The following SV2B variants were observed in gnomAD, a reference collection of about 807,000 sequenced individuals.
The protein encoded by SV2B is synaptic vesicle glycoprotein 2B.
In SV2B, 41 loss-of-function variants were observed where a neutral mutation model predicts 73.9. The ratio of observed to expected loss-of-function variants is 0.56; its 90% CI spans 0.43 to 0.72. SV2B has a LOEUF of 0.72. SV2B is among the 30% of genes least tolerant of loss of function. The pLI, the probability that SV2B is intolerant of heterozygous loss-of-function variation, is 0.00. For missense variants in SV2B, 764 were observed against 857.8 expected, an observed-to-expected ratio of 0.89 and a Z score of 1.37; for synonymous variants, 314 against 314.2, an observed-to-expected ratio of 1.00 and a Z score of 0.01.
At chr15:91,263,632 A>G (rs2048002978) in intron 6 of SV2B, among the ~76,000 whole-genome samples, 1 of 151,984 alleles carries the variant, frequency 6.6e-6, no homozygotes, top group Non-Finnish European at 1.5e-5. Flanking sequence ...AAACACACAG[A>G]CGCACATTAA....
Position 91,231,995 on chromosome 15 carries a change from C to T in SV2B, c.451+5281C>T, listed in dbSNP as rs561961555. 5.9e-5 allele frequency among the ~76,000 whole-genome samples: 9 copies of T among 152,212 alleles called. No individual in the cohort carries two copies. The highest frequency in any genetic ancestry group is 2.1e-4 in the South Asian group (1 of 4,822). Reference sequence around the variant, plus strand: ...AGAGATAGATATATTACTCTGCTGTCGTGAAAGATTATCTTGTGATTGTTT... The same window carrying T: ...AGAGATAGATATATTACTCTGCTGTTGTGAAAGATTATCTTGTGATTGTTT... On this transcript the variant is annotated intron_variant, in intron 2 of 12. Coordinates refer to ENST00000394232, the MANE Select transcript of SV2B (RefSeq NM_001323032.3). The surrounding 1 kb of genome is among the most constrained non-coding windows in gnomAD (Gnocchi z 4.5).
chr15:91,190,623 A>G (rs1238425512), intron 1 of SV2B, among the ~76,000 whole-genome samples: 1 of 152,148 alleles, frequency 6.6e-6, no homozygotes, highest in Non-Finnish European at 1.5e-5. Flanking sequence ...AATATTTCTT[A>G]GTTTTCAGAC....
At chr15:91,218,780 A>G (rs1023106539) in intron 1 of SV2B, among the ~76,000 whole-genome samples, 16 of 152,088 alleles carry the variant, frequency 1.1e-4, no homozygotes, top group African/African-American at 3.4e-4. Context: ...ACTGACTGCA[A>G]GTGAAGTCAC....
At chr15:91,203,756 G>A in intron 1 of SV2B, among the ~76,000 whole-genome samples, 1 of 152,146 alleles carries the variant, frequency 6.6e-6, no homozygotes, top group Non-Finnish European at 1.5e-5. Flanking sequence ...GGGGACTTTT[G>A]TCAAGTTCCT....
chr15:91,178,088 A>G (rs2044392731), intron 1 of SV2B, among the ~76,000 whole-genome samples: 2 of 151,818 alleles, frequency 1.3e-5, no homozygotes, highest in African/African-American at 4.8e-5. Flanking sequence ...ATTTATTGAG[A>G]GTTTTTAGCA....
At chr15:91,133,716 C>G (rs927618398) in intron 1 of SV2B, among the ~76,000 whole-genome samples, 12 of 152,168 alleles carry the variant, frequency 7.9e-5, no homozygotes, top group Non-Finnish European at 1.6e-4. Context: ...AGCAGGGTCA[C>G]TGGACACAGC....
chr15:91,225,684 C>G (rs1190658231), intron 1 of SV2B, among the ~76,000 whole-genome samples, 189 bp from the exon 2 acceptor site: 1 of 152,186 alleles, frequency 6.6e-6, no homozygotes, highest in African/African-American at 2.4e-5. Flanking sequence ...ACGGTTCCTT[C>G]TCCTTTAGCC....
At chr15:91,117,743 C>T (rs913409787) in intron 1 of SV2B, among the ~76,000 whole-genome samples, 12 of 152,112 alleles carry the variant, frequency 7.9e-5, no homozygotes, top group African/African-American at 1.9e-4. Context: ...CAGTAAAGTG[C>T]GAAAGTATAC....
rs1178906124 is a variant in SV2B at position 91,295,587 on chromosome 15, G to A, written c.*3035G>A. The A allele has an allele frequency of 6.6e-6, 1 of 152,194 alleles. No individual in the cohort carries two copies. The highest frequency in any genetic ancestry group is 1.5e-5 in the Non-Finnish European group (1 of 68,052). The allele number at this position is 152,194 out of a possible 1,614,324, so 9.4% of individuals were successfully genotyped here. On this transcript the variant is annotated 3_prime_UTR_variant, in exon 13 of 13. Transcript: ENST00000394232. ...TGGCCCAGATTACATGTAATGTGAGGAGTGGGCGAGAAGGCCTAAGGTGAT... is the reference window on the plus strand; with the variant it reads ...TGGCCCAGATTACATGTAATGTGAGAAGTGGGCGAGAAGGCCTAAGGTGAT...
chr15:91,154,549 A>T (rs1596486377), intron 1 of SV2B, among the ~76,000 whole-genome samples: 1 of 152,178 alleles, frequency 6.6e-6, no homozygotes, highest in African/African-American at 2.4e-5. Context: ...CTGCTGTGGG[A>T]TGAATATGAC....
chr15:91,272,697 G>A (rs2048353341), intron 9 of SV2B, among the ~76,000 whole-genome samples: 2 of 152,032 alleles, frequency 1.3e-5, no homozygotes, highest in Non-Finnish European at 2.9e-5. Flanking sequence ...AGGATAGCAG[G>A]GGGCAGGAAG....
rs1395851642 is a variant in SV2B at position 91,283,122 on chromosome 15, A to C, written c.1508-899A>C. On this transcript the variant is annotated intron_variant, in intron 10 of 12. Coordinates refer to ENST00000394232, the MANE Select transcript of SV2B (RefSeq NM_001323032.3). This position sits in a 1 kb window ranked among gnomAD's most constrained non-coding sequence, Gnocchi z 4.3. ...AGGGAGGTTAAAGAGGGTCAGCAGC[A>C]GGGCCAGCTCCCCAAACGCAGGTTT... is the stretch of plus-strand genomic sequence containing the variant. 6.6e-6 allele frequency among the ~76,000 whole-genome samples: 1 copy of C among 152,240 alleles called. No individual in the cohort carries two copies. The highest frequency in any genetic ancestry group is 1.9e-4 in the East Asian group (1 of 5,202).
At position 91,258,747 on chromosome 15, in the gene SV2B, C is replaced by T. The variant is rs76407362; in HGVS notation, c.918+193C>T. On this transcript the variant is annotated intron_variant, in intron 5 of 12. Transcript: ENST00000394232. This position sits in a 1 kb window ranked among gnomAD's most constrained non-coding sequence, Gnocchi z 4.7. ...GTGATGGTGGCAGGTCATGGATTCACGGACTGCAAATGCTGGATGGTTCAA... is the reference window on the plus strand; with the variant it reads ...GTGATGGTGGCAGGTCATGGATTCATGGACTGCAAATGCTGGATGGTTCAA... Among the ~76,000 whole-genome samples, 969 of 152,192 alleles carry T rather than the reference C, an allele frequency of 6.4e-3. 10 individuals are homozygous for T. Among genetic ancestry groups the T allele is most frequent in the African/African-American group, 0.02 (851 of 41,516 alleles).
chr15:91,214,898 C>A lies in SV2B; in HGVS notation c.-391-10975C>A, dbSNP rs976150937. Among the ~76,000 whole-genome samples the A allele has an allele frequency of 2.8e-4, 43 of 152,342 alleles. No individual in the cohort carries two copies. The highest frequency in any genetic ancestry group is 1.0e-3 in the African/African-American group (42 of 41,588). On this transcript the variant is annotated intron_variant, in intron 1 of 12. Coordinates refer to ENST00000394232, the MANE Select transcript of SV2B (RefSeq NM_001323032.3). The surrounding 1 kb of genome is among the most constrained non-coding windows in gnomAD (Gnocchi z 4.7). ...GCCTTCTGCCATCTGCCAGGCAGTT[C>A]TGTTTTGGATAAACTACAAGAGACG...
intron 6 of SV2B, 100 bp downstream of exon 6, chr15:91,260,509 A>C: frequency 1.2e-6 from 1 of 832,276 alleles, no homozygotes; most frequent in African/African-American, 1.7e-5. Context: ...ATTTGTCAAA[A>C]GGAGAACAAA....
intron 1 of SV2B, among the ~76,000 whole-genome samples, chr15:91,219,440 A>G (rs2046143547): frequency 6.6e-6 from 1 of 152,156 alleles, no homozygotes; most frequent in Admixed American, 6.5e-5. Context: ...GGTTTTTAAG[A>G]CATGACAAAA....
At chr15:91,177,360 G>C (rs1269739964) in intron 1 of SV2B, among the ~76,000 whole-genome samples, 1 of 151,864 alleles carries the variant, frequency 6.6e-6, no homozygotes, top group Non-Finnish European at 1.5e-5. Context: ...GCTTAGGATT[G>C]ACTTGGCGAT....
At chr15:91,147,190 A>T (rs1457214080) in intron 1 of SV2B, among the ~76,000 whole-genome samples, 1 of 152,240 alleles carries the variant, frequency 6.6e-6, no homozygotes, top group Non-Finnish European at 1.5e-5. Flanking sequence ...CCCTAAAGGA[A>T]TGTGAACGTA....
intron 5 of SV2B, 104 bp from the exon 6 acceptor site, chr15:91,260,216 C>T (rs2047858693): frequency 1.0e-6 from 1 of 973,948 alleles, no homozygotes; most frequent in Admixed American, 2.3e-5. Context: ...GCTAGGAATG[C>T]TCGTATCAAC....
Sources: allele counts gnomAD v4.1 joint callset (sites outside exome capture counted in the v4.1 genomes callset), GRCh38; gene constraint gnomAD v4.1.1; non-coding constraint Gnocchi (gnomAD v3.1); transcripts MANE v1.5; gene names NCBI Gene and HGNC (gene_info 2026-07-23, HGNC 2026-07-21).